DAB1: variants seen among roughly 807,000 people sequenced by gnomAD.
DAB1 encodes the protein disabled homolog 1.
In DAB1, 15 loss-of-function variants were observed where a neutral mutation model predicts 64.6. That is an observed-to-expected ratio of 0.23 (90% CI 0.16 to 0.36). The LOEUF is 0.36. Among genes scored for constraint, DAB1 ranks in the 10% least tolerant of loss-of-function variants. The probability of loss-of-function intolerance (pLI) is 1.00; values close to 1 mark genes in which losing one functional copy is unlikely to be tolerated. For synonymous variants in DAB1, 235 were observed against 251.9 expected (o/e 0.93, Z 0.64); for missense variants, 596 against 706.7 (o/e 0.84, Z 1.78).
intron 6 of DAB1, among the ~76,000 whole-genome samples, chr1:57,778,685 T>C (rs1317424641): frequency 4.6e-5 from 7 of 152,134 alleles, no homozygotes; most frequent in South Asian, 2.1e-4. Flanking sequence ...CCATCTGCGA[T>C]TGCTATATAG....
At chr1:58,495,170 C>CA (rs1451394131) in intron 3 of DAB1, among the ~76,000 whole-genome samples, 19 of 152,024 alleles carry the variant, frequency 1.2e-4, no homozygotes, top group Non-Finnish European at 2.2e-4. Context: ...ATTGCAAGGA[C>CA]AAAAAACTAA....
intron 3 of DAB1, among the ~76,000 whole-genome samples, chr1:58,384,189 G>T (rs1043505307): frequency 6.6e-6 from 1 of 151,654 alleles, no homozygotes; most frequent in African/African-American, 2.4e-5. Flanking sequence ...ACATACAATG[G>T]AACATTATTC....
chr1:57,704,696 C>T (rs1228717153), intron 6 of DAB1, among the ~76,000 whole-genome samples: 1 of 152,110 alleles, frequency 6.6e-6, no homozygotes, highest in Non-Finnish European at 1.5e-5. Flanking sequence ...AAACTCTATT[C>T]CTGTGTTGAC....
chr1:58,543,870 T>C (rs1646660552), intron 1 of DAB1, among the ~76,000 whole-genome samples: 1 of 152,254 alleles, frequency 6.6e-6, no homozygotes, highest in Non-Finnish European at 1.5e-5. Flanking sequence ...ATGTCTGCAC[T>C]GTCCAATAAG....
chr1:58,330,019 A>G (rs1227450428), intron 4 of DAB1, among the ~76,000 whole-genome samples: 1 of 152,178 alleles, frequency 6.6e-6, no homozygotes, highest in African/African-American at 2.4e-5. Context: ...AATGATTAAG[A>G]TCAGTTAGAA....
chr1:57,051,683 T>C (rs184875933), intron 9 of DAB1, among the ~76,000 whole-genome samples: 46 of 152,258 alleles, frequency 3.0e-4, no homozygotes, highest in Non-Finnish European at 4.4e-5. Context: ...TTATCTGGGG[T>C]TCCCAAACAT....
chr1:57,491,647 A>G (rs934949188), intron 7 of DAB1, among the ~76,000 whole-genome samples: 2 of 152,180 alleles, frequency 1.3e-5, no homozygotes, highest in African/African-American at 4.8e-5. Context: ...GAGGGTTAAT[A>G]CTTGCACCAA....
chr1:57,801,966 T>C (rs1489047661), intron 6 of DAB1, among the ~76,000 whole-genome samples: 2 of 152,182 alleles, frequency 1.3e-5, no homozygotes, highest in African/African-American at 4.8e-5. Context: ...CAGAATATTA[T>C]AAGAGTATTT....
intron 4 of DAB1, among the ~76,000 whole-genome samples, chr1:57,102,702 G>T (rs1411559479): frequency 2.0e-5 from 3 of 152,106 alleles, no homozygotes; most frequent in Non-Finnish European, 1.5e-5. Context: ...CAAAGTATAG[G>T]ATATCATGAA....
At chr1:57,709,134 ATTTGGT>A (rs1259669282) in intron 6 of DAB1, among the ~76,000 whole-genome samples, 1 of 152,050 alleles carries the variant, frequency 6.6e-6, no homozygotes, top group Non-Finnish European at 1.5e-5. Flanking sequence ...AAATTAGAAC[ATTTGGT>A]CCTATTCTCC....
chr1:58,422,079 T>C (rs1189542292), intron 3 of DAB1, among the ~76,000 whole-genome samples: 2 of 152,008 alleles, frequency 1.3e-5, no homozygotes, highest in Non-Finnish European at 2.9e-5. Flanking sequence ...AAGGGTTAAA[T>C]AACCTTGGCA....
chr1:58,082,708 A>C (rs1650070692), intron 5 of DAB1, among the ~76,000 whole-genome samples: 1 of 152,134 alleles, frequency 6.6e-6, no homozygotes. Flanking sequence ...CATTTCAGGC[A>C]GGAGAAGGTA....
intron 4 of DAB1, among the ~76,000 whole-genome samples, chr1:58,267,910 A>C (rs1267498841): frequency 6.6e-6 from 1 of 152,124 alleles, no homozygotes; most frequent in African/African-American, 2.4e-5. Context: ...TCCCTATTGC[A>C]GTCCTTGTCA....
chr1:57,474,951 G>T (rs1279094013), intron 7 of DAB1, among the ~76,000 whole-genome samples: 1 of 152,080 alleles, frequency 6.6e-6, no homozygotes, highest in Non-Finnish European at 1.5e-5. Flanking sequence ...TAAAGAAGAT[G>T]AAAGACTTGT....
chr1:58,037,516 C>T lies in DAB1; in HGVS notation n.387+112995G>A, dbSNP rs1304342931. On this transcript the variant is annotated intron_variant and non_coding_transcript_variant, in intron 5 of 20. Transcript: ENST00000485760. ...CATTAGATTCTTACAGGAGTGGGAA[C>T]TCCATTGTGAACTGTGCATGTGAGG... 9.2e-5 allele frequency among the ~76,000 whole-genome samples: 14 copies of T among 152,194 alleles called. 1 individual carries two copies. Among genetic ancestry groups the T allele is most frequent in the Non-Finnish European group, 1.3e-4 (9 of 68,030 alleles).
At chr1:58,267,280 A>G (rs989526914) in intron 4 of DAB1, among the ~76,000 whole-genome samples, 2 of 152,224 alleles carry the variant, frequency 1.3e-5, no homozygotes, top group African/African-American at 4.8e-5. Context: ...ATTTGCTCTG[A>G]CAACTAAAAT....
intron 4 of DAB1, among the ~76,000 whole-genome samples, chr1:58,213,485 T>C (rs528478885): frequency 1.3e-3 from 200 of 152,230 alleles, no homozygotes; most frequent in African/African-American, 4.4e-3. Context: ...CTTCATATGG[T>C]GGCATCAAGA....
intron 4 of DAB1, among the ~76,000 whole-genome samples, chr1:58,174,297 G>C (rs1656339387): frequency 6.6e-6 from 1 of 152,202 alleles, no homozygotes; most frequent in South Asian, 2.1e-4. Context: ...TCCTGTGACA[G>C]CCATCTTGCT....
At chr1:58,121,316 C>A (rs1397167975) in intron 5 of DAB1, among the ~76,000 whole-genome samples, 1 of 152,096 alleles carries the variant, frequency 6.6e-6, no homozygotes, top group Admixed American at 6.6e-5. Flanking sequence ...GCAGGGTATG[C>A]AAGTACTACC....
Sources: gnomAD v4.1 joint callset for allele counts (sites outside exome capture counted in the v4.1 genomes callset) on GRCh38, gnomAD v4.1.1 for gene constraint, MANE v1.5 for transcripts, NCBI Gene and HGNC (gene_info 2026-07-23, HGNC 2026-07-21) for gene names.